Variants in SLC35F4 observed in about 807,000 individuals in gnomAD.
SLC35F4 encodes the protein chromosome 14 open reading frame 36.
A neutral mutation model predicts 44.2 loss-of-function variants in SLC35F4; 24 were observed. The ratio of observed to expected loss-of-function variants is 0.54; its 90% confidence interval spans 0.39 to 0.76. The LOEUF (loss-of-function observed/expected upper bound fraction) is 0.76, where lower values mean the gene tolerates loss of function less well. Ranked by LOEUF, SLC35F4 falls within the 30% of genes least tolerant of loss-of-function variation. The probability of loss-of-function intolerance (pLI) is 0.00; values close to 1 mark genes in which losing one functional copy is unlikely to be tolerated. For missense variants in SLC35F4, 562 were observed against 586.1 expected, an observed-to-expected ratio of 0.96 and a Z score of 0.42; for synonymous variants, 238 against 223.6, an observed-to-expected ratio of 1.06 and a Z score of -0.57.
chr14:57,620,596 G>C lies in SLC35F4; in HGVS notation c.104-26472C>G, dbSNP rs369484080. ...AGCCACTGGAAAAAAACACCAAATT[G>C]TGCCAGTTTTCAAAGGGAATGCTTC... is the stretch of plus-strand genomic sequence containing the variant. On this transcript the variant is annotated intron_variant, in intron 1 of 7. Coordinates refer to ENST00000556826, the MANE Select transcript of SLC35F4 (RefSeq NM_001306087.2). 5.3e-5 allele frequency among the ~76,000 whole-genome samples: 8 copies of C among 152,280 alleles called. No individual in the cohort carries two copies. In the East Asian group the frequency reaches 1.5e-3, roughly 29 times the overall value.
At chr14:57,625,512 G>A (rs1328883103) in intron 1 of SLC35F4, among the ~76,000 whole-genome samples, 1 of 152,114 alleles carries the variant, frequency 6.6e-6, no homozygotes, top group Non-Finnish European at 1.5e-5. Context: ...TAAGTAAAAA[G>A]AACAAAGCTG....
intron 1 of SLC35F4, among the ~76,000 whole-genome samples, chr14:57,764,904 T>C (rs904691440): frequency 2.6e-5 from 4 of 152,224 alleles, no homozygotes; most frequent in East Asian, 1.9e-4. Flanking sequence ...ATCTTTAAAG[T>C]AGTGATTTTC....
intron 1 of SLC35F4, among the ~76,000 whole-genome samples, chr14:57,937,335 C>A (rs538471102): frequency 6.6e-6 from 1 of 151,754 alleles, no homozygotes; most frequent in Non-Finnish European, 1.5e-5. Context: ...CCCAAAGTGC[C>A]GGGATTACAG....
chr14:57,633,426 A>G (rs566243991), intron 1 of SLC35F4, among the ~76,000 whole-genome samples: 9 of 152,284 alleles, frequency 5.9e-5, no homozygotes, highest in Admixed American at 4.6e-4. Flanking sequence ...TGGCCATTCT[A>G]ATAGATAAGT....
At chr14:57,941,934 C>G (rs536709038) in intron 1 of SLC35F4, among the ~76,000 whole-genome samples, 1 of 152,292 alleles carries the variant, frequency 6.6e-6, no homozygotes, top group African/African-American at 2.4e-5. Flanking sequence ...CACAAGGCAG[C>G]TGCCAGGTCT....
chr14:57,862,675 TA>T (rs1462119508), intron 1 of SLC35F4, among the ~76,000 whole-genome samples: 2 of 152,220 alleles, frequency 1.3e-5, no homozygotes, highest in African/African-American at 4.8e-5. Context: ...AACTCCCTCA[TA>T]TCCTTCAGGT....
intron 1 of SLC35F4, among the ~76,000 whole-genome samples, chr14:57,637,068 A>G (rs2073044257): frequency 6.6e-6 from 1 of 152,110 alleles, no homozygotes; most frequent in Non-Finnish European, 1.5e-5. Context: ...TTTAGTTTAT[A>G]CAAAGAAGCT....
rs1417026158 is a variant in SLC35F4, at chr14:57,967,009, C to CA, written n.282+14903dup. ...TGGGTAACAGAGCAAGACTCCATCT[C>CA]AAAAAAAAAAAGAAGAAAAGAAAAG... is the stretch of plus-strand genomic sequence containing the variant. On this transcript the variant is annotated intron_variant and non_coding_transcript_variant, in intron 1 of 1. Coordinates refer to the SLC35F4 transcript ENST00000556568. 3.9e-3 allele frequency among the ~76,000 whole-genome samples: 471 copies of CA among 122,146 alleles called. 4 individuals carry two copies. In the South Asian group the frequency reaches 0.04, roughly 10 times the overall value. 80.1% of individuals were successfully genotyped at this position (122,146 alleles called of 152,430 possible).
intron 1 of SLC35F4, among the ~76,000 whole-genome samples, chr14:57,678,466 A>G (rs924467757): frequency 6.6e-6 from 1 of 152,114 alleles, no homozygotes; most frequent in Admixed American, 6.5e-5. Flanking sequence ...ATTAACTAAC[A>G]AGCAAAATAA....
chr14:57,603,594 G>A (rs1363292960), intron 1 of SLC35F4, among the ~76,000 whole-genome samples: 1 of 152,172 alleles, frequency 6.6e-6, no homozygotes, highest in African/African-American at 2.4e-5. Flanking sequence ...AATGGTTAAA[G>A]CCCTACAGTA....
intron 3 of SLC35F4, among the ~76,000 whole-genome samples, chr14:57,588,357 A>ATTTTTTTTTT (rs60172708): frequency 6.6e-6 from 1 of 150,592 alleles, no homozygotes. Flanking sequence ...TGGTGTCCCT[A>ATTTTTTTTTT]TTTTTTTTTC....
intron 1 of SLC35F4, among the ~76,000 whole-genome samples, chr14:57,654,669 C>G (rs937939134): frequency 6.6e-6 from 1 of 152,180 alleles, no homozygotes. Flanking sequence ...AACCTTCATA[C>G]TGTTTTCCAT....
At chr14:57,568,662 A>G (rs1185159345) in intron 6 of SLC35F4, among the ~76,000 whole-genome samples, 1 of 152,102 alleles carries the variant, frequency 6.6e-6, no homozygotes, top group East Asian at 1.9e-4. Flanking sequence ...AAGATGACCC[A>G]ATCAATACTC....
chr14:57,765,306 G>C (rs1375910379), intron 1 of SLC35F4, among the ~76,000 whole-genome samples: 2 of 152,204 alleles, frequency 1.3e-5, no homozygotes, highest in African/African-American at 4.8e-5. Flanking sequence ...CCTGAAAAAG[G>C]GCTAAGCCAG....
intron 1 of SLC35F4, among the ~76,000 whole-genome samples, chr14:57,617,094 T>C (rs879267803): frequency 1.3e-5 from 2 of 150,030 alleles, no homozygotes; most frequent in African/African-American, 2.4e-5. Context: ...GGAAACCCCA[T>C]ATTGGAAATT....
At chr14:57,610,940 A>G (rs868070003) in intron 1 of SLC35F4, among the ~76,000 whole-genome samples, 1 of 152,250 alleles carries the variant, frequency 6.6e-6, no homozygotes, top group Non-Finnish European at 1.5e-5. Flanking sequence ...CAAATACATC[A>G]GCCAATAATG....
intron 4 of SLC35F4, among the ~76,000 whole-genome samples, chr14:57,572,622 G>A (rs905738399): frequency 1.3e-5 from 2 of 152,216 alleles, no homozygotes; most frequent in African/African-American, 4.8e-5. Flanking sequence ...ATGGAAGCCA[G>A]TACTTCCTTT....
intron 1 of SLC35F4, among the ~76,000 whole-genome samples, chr14:57,711,293 C>G (rs1267680242): frequency 1.3e-5 from 2 of 152,248 alleles, no homozygotes; most frequent in East Asian, 3.9e-4. Context: ...TGTAAGTTCC[C>G]TGAGGCCTTC....
At chr14:57,695,861 G>A (rs866554594) in intron 1 of SLC35F4, among the ~76,000 whole-genome samples, 60 of 152,156 alleles carry the variant, frequency 3.9e-4, no homozygotes, top group African/African-American at 1.4e-3. Context: ...ATGAGTTCAT[G>A]TCCTTTGTAG....
Sources: allele counts gnomAD v4.1 joint callset (sites outside exome capture counted in the v4.1 genomes callset), GRCh38; gene constraint gnomAD v4.1.1; transcripts MANE v1.5; gene names NCBI Gene and HGNC (gene_info 2026-07-23, HGNC 2026-07-21).